Variants in BMPR1B observed in about 807,000 individuals in gnomAD.
The protein encoded by BMPR1B is bone morphogenetic protein receptor type 1B, also known as bone morphogenetic protein receptor type-1B.
Under a neutral mutation model 59.1 loss-of-function variants are expected in BMPR1B, and 12 were observed. The ratio of observed to expected loss-of-function variants is 0.20; its 90% CI spans 0.13 to 0.33. The LOEUF is 0.33. Ranked by LOEUF, BMPR1B falls within the 10% of genes least tolerant of loss-of-function variation. BMPR1B has a pLI of 1.00. For synonymous variants in BMPR1B, 237 were observed against 207.3 expected, an observed-to-expected ratio of 1.14 and a Z score of -1.23; for missense variants, 550 against 610.9, an observed-to-expected ratio of 0.90 and a Z score of 1.05.
chr4:94,770,439 G>A (rs1223663128), intron 1 of BMPR1B, among the ~76,000 whole-genome samples: 1 of 151,788 alleles, frequency 6.6e-6, no homozygotes, highest in East Asian at 1.9e-4. Context: ...GATAACTAAG[G>A]CCCTTATCCT....
chr4:95,151,691 C>T (rs1369914998), intron 11 of BMPR1B, among the ~76,000 whole-genome samples: 3 of 152,074 alleles, frequency 2.0e-5, no homozygotes, highest in Non-Finnish European at 4.4e-5. Context: ...GCAGAGTAAG[C>T]CCCCAGTGAA....
At chr4:94,988,214 C>T (rs190045591) in intron 2 of BMPR1B, among the ~76,000 whole-genome samples, 426 of 152,102 alleles carry the variant, frequency 2.8e-3, no homozygotes, top group Middle Eastern at 0.011. Context: ...TATAAATATA[C>T]ATTTAGCTCT....
Position 95,154,592 on chromosome 4 carries a change from C to T in BMPR1B, c.1428C>T (p.His476=), listed in dbSNP as rs1347832150. The T allele has an allele frequency of 6.2e-7, 1 of 1,614,098 alleles. No homozygotes were observed. Among genetic ancestry groups the T allele is most frequent in the Admixed American group, 1.7e-5 (1 of 60,016 alleles). The change falls in exon 13 of 13, where the codon CAC becomes CAT. Residue 476 remains histidine, a synonymous_variant. Transcript: ENST00000515059. ...AACTCATGACAGAATGCTGGGCTCA[C>T]AATCCTGCATCAAGGCTGACAGCCC... The part of the protein sequence containing the change: ...MGKLMTECWA[H]NPASRLTALR...
intron 1 of BMPR1B, among the ~76,000 whole-genome samples, chr4:94,848,079 TAAAA>T (rs1725411135): frequency 2.0e-5 from 3 of 152,184 alleles, no homozygotes; most frequent in South Asian, 4.1e-4. Flanking sequence ...AATTAAAAAT[TAAAA>T]AAATTCAAGG....
chr4:94,780,892 G>A (rs1722563522), intron 1 of BMPR1B, among the ~76,000 whole-genome samples: 1 of 151,892 alleles, frequency 6.6e-6, no homozygotes, highest in African/African-American at 2.4e-5. Flanking sequence ...GTTTCACCGT[G>A]TTAGCCAGGA....
At position 94,957,736 on chromosome 4, in the gene BMPR1B, ACATTTCG is replaced by A. The variant is rs1730207228; in HGVS notation, c.-112-38302_-112-38296del. 4.6e-5 allele frequency among the ~76,000 whole-genome samples: 7 copies of A among 152,312 alleles called. No individual in the cohort carries two copies. In the South Asian group the frequency reaches 1.4e-3, roughly 32 times the overall value. ...TTTCATCAACTCTGAGATCTAAGAT[ACATTTCG>A]CTTTGAGATCTAAGATGATAAATGT... On this transcript the variant is annotated intron_variant, in intron 2 of 12. Transcript: ENST00000515059.
rs1730227389 is a variant in BMPR1B, at chr4:94,958,187, A to G, written c.-112-37853A>G. Among the ~76,000 whole-genome samples, 3 of 152,294 alleles carry G rather than the reference A, an allele frequency of 2.0e-5. No individual in the cohort carries two copies. In the South Asian group the frequency reaches 6.2e-4, roughly 32 times the overall value. ...TTAAGCTCTAGCATGTATCTGTGAG[A>G]CCTTGAGCAGATTACTTCATTTCTT... On this transcript the variant is annotated intron_variant, in intron 2 of 12. Transcript: ENST00000515059.
chr4:94,810,101 G>A (rs1407126543), intron 1 of BMPR1B, among the ~76,000 whole-genome samples: 1 of 152,180 alleles, frequency 6.6e-6, no homozygotes, highest in Non-Finnish European at 1.5e-5. Flanking sequence ...AGCAAGGAGA[G>A]AGAATTATGT....
chr4:95,131,226 G>A lies in BMPR1B; in HGVS notation c.790G>A (p.Ala264Thr), dbSNP rs767750336. 3.7e-6 allele frequency: 6 copies of A among 1,613,660 alleles called. No homozygotes were observed. The highest frequency in any genetic ancestry group is 5.1e-6 in the Non-Finnish European group (6 of 1,179,794). ...RHENILGFIA[A>T]DIKGTGSWTQ... ...TTTTTTCCTTTTAGGTTTCATTGCT[G>A]CAGATATCAAAGGGACAGGGTCCTG... The change falls in exon 10 of 13, where the codon GCA becomes ACA. Residue 264 changes from alanine to threonine, a missense_variant. Coordinates refer to ENST00000515059, the MANE Select transcript of BMPR1B (RefSeq NM_001203.3).
chr4:94,825,567 A>T (rs1343825214), intron 1 of BMPR1B, among the ~76,000 whole-genome samples: 1 of 152,148 alleles, frequency 6.6e-6, no homozygotes, highest in Non-Finnish European at 1.5e-5. Context: ...GATGGGAAAA[A>T]ACCTTTCCCA....
chr4:94,986,760 G>A (rs1345882384), intron 2 of BMPR1B, among the ~76,000 whole-genome samples: 1 of 151,696 alleles, frequency 6.6e-6, no homozygotes, highest in Non-Finnish European at 1.5e-5. Context: ...ATATAAAATG[G>A]TCCGGGCGCA....
At chr4:94,921,997 A>T (rs1728707337) in intron 2 of BMPR1B, among the ~76,000 whole-genome samples, 2 of 151,738 alleles carry the variant, frequency 1.3e-5, no homozygotes, top group Non-Finnish European at 2.9e-5. Flanking sequence ...TTGGCTGGGG[A>T]GGGGCAGAGC....
At chr4:94,977,834 G>A (rs1352115204) in intron 2 of BMPR1B, among the ~76,000 whole-genome samples, 2 of 152,202 alleles carry the variant, frequency 1.3e-5, no homozygotes, top group African/African-American at 4.8e-5. Flanking sequence ...TCCAGCCTGG[G>A]CAACAGAAGA....
intron 2 of BMPR1B, among the ~76,000 whole-genome samples, chr4:94,923,823 G>C (rs1728788504): frequency 2.0e-5 from 3 of 151,964 alleles, no homozygotes; most frequent in Admixed American, 2.0e-4. Context: ...TGATCTTTCG[G>C]CTCAAAGATA....
At chr4:95,016,365 C>T (rs766080266) in intron 3 of BMPR1B, among the ~76,000 whole-genome samples, 1 of 152,000 alleles carries the variant, frequency 6.6e-6, no homozygotes, top group Non-Finnish European at 1.5e-5. Flanking sequence ...CATGATGTTA[C>T]AAAATTATGC....
chr4:95,039,518 A>G (rs1278815280), intron 3 of BMPR1B, among the ~76,000 whole-genome samples: 1 of 151,890 alleles, frequency 6.6e-6, no homozygotes, highest in African/African-American at 2.4e-5. Flanking sequence ...GTTATGTTAG[A>G]AAGGCTTTAA....
chr4:95,048,256 A>G (rs1726186223), intron 3 of BMPR1B, among the ~76,000 whole-genome samples: 4 of 152,294 alleles, frequency 2.6e-5, no homozygotes, highest in African/African-American at 7.2e-5. Flanking sequence ...CGATGAACAT[A>G]TAAGTGCCCA....
chr4:94,833,150 C>A (rs1301246438), intron 1 of BMPR1B, among the ~76,000 whole-genome samples: 1 of 148,936 alleles, frequency 6.7e-6, no homozygotes, highest in Non-Finnish European at 1.5e-5. Context: ...GTGATAGTGC[C>A]ACTGCACTCC....
intron 1 of BMPR1B, among the ~76,000 whole-genome samples, chr4:94,847,116 A>G (rs6532512): frequency 0.61 from 93,315 of 152,078 alleles, 29,646 homozygotes; most frequent in African/African-American, 0.78. Context: ...ATCTGATCAA[A>G]ATGGGCAGAA....
Sources: gnomAD v4.1 joint callset for allele counts (sites outside exome capture counted in the v4.1 genomes callset) on GRCh38, gnomAD v4.1.1 for gene constraint, MANE v1.5 for transcripts, NCBI Gene and HGNC (gene_info 2026-07-23, HGNC 2026-07-21) for gene names.